CDH12: variants seen among roughly 807,000 people sequenced by gnomAD.
CDH12 encodes cadherin 12.
Under a neutral mutation model 74.1 loss-of-function variants are expected in CDH12, and 41 were observed. The ratio of observed to expected loss-of-function variants is 0.55; its 90% CI spans 0.43 to 0.72. CDH12 has a LOEUF of 0.72. CDH12 is among the 30% of genes least tolerant of loss of function. The probability of loss-of-function intolerance (pLI) is 0.00; values close to 1 mark genes in which losing one functional copy is unlikely to be tolerated. For synonymous variants in CDH12, 399 were observed against 355.0 expected, an observed-to-expected ratio of 1.12 and a Z score of -1.39; for missense variants, 945 against 977.2, an observed-to-expected ratio of 0.97 and a Z score of 0.44.
In CDH12 at chr5:22,371,955, C is replaced by G. The variant is rs142007449; in HGVS notation, c.-333+33302G>C. Among the ~76,000 whole-genome samples the G allele has an allele frequency of 9.4e-3, 1,435 of 152,162 alleles. 23 individuals are homozygous for G. Among genetic ancestry groups the G allele is most frequent in the African/African-American group, 0.033 (1,356 of 41,490 alleles). On this transcript the variant is annotated intron_variant, in intron 3 of 14. Transcript: ENST00000382254. The stretch of plus-strand genomic sequence containing the variant: ...AACCTTTGGGAGATTTTAAGTTAGG[C>G]CAAAACATGATGATATTTTTATTCT...
intron 3 of CDH12, among the ~76,000 whole-genome samples, chr5:22,353,127 T>C (rs1168012163): frequency 6.6e-6 from 1 of 152,222 alleles, no homozygotes; most frequent in Non-Finnish European, 1.5e-5. Flanking sequence ...ATCAGTCTTA[T>C]ATCATCATTT....
At chr5:22,528,652 T>C (rs960272774) in intron 1 of CDH12, among the ~76,000 whole-genome samples, 6 of 152,240 alleles carry the variant, frequency 3.9e-5, no homozygotes, top group Admixed American at 2.6e-4. Flanking sequence ...TTCCTTCTCA[T>C]GTCCAACAAC....
intron 1 of CDH12, among the ~76,000 whole-genome samples, chr5:22,585,896 T>G (rs540509789): frequency 2.0e-5 from 3 of 152,306 alleles, no homozygotes; most frequent in Non-Finnish European, 4.4e-5. Context: ...TTGGTGGGAC[T>G]GTTAACTAGT....
At chr5:22,638,954 G>A (rs1738984270) in intron 1 of CDH12, 1 of 150,568 alleles carries the variant, frequency 6.6e-6, no homozygotes, top group Non-Finnish European at 1.5e-5. Flanking sequence ...TGGAGGCTGA[G>A]GCAGGAGAAT....
chr5:21,819,639 T>A (rs894497102), intron 8 of CDH12, among the ~76,000 whole-genome samples: 2 of 152,002 alleles, frequency 1.3e-5, no homozygotes, highest in Admixed American at 6.6e-5. Flanking sequence ...TGTTGAATAG[T>A]GTACTAGAAA....
In CDH12 at chr5:22,453,286, G is replaced by A. The variant is rs1305642278; in HGVS notation, c.-427-47935C>T. On this transcript the variant is annotated intron_variant, in intron 2 of 14. Coordinates refer to ENST00000382254, the MANE Select transcript of CDH12 (RefSeq NM_004061.5). ...ATGTCAAAGAAATGTTTGTAGTCCT[G>A]TATTTATTGCAGCATTCTTCACAAT... 3.3e-5 allele frequency among the ~76,000 whole-genome samples: 5 copies of A among 152,032 alleles called. No individual in the cohort carries two copies. In the South Asian group the frequency reaches 1.0e-3, roughly 31 times the overall value.
Position 22,823,007 on chromosome 5 carries a change from G to C in CDH12, c.-523+30051C>G, listed in dbSNP as rs995154231. Among the ~76,000 whole-genome samples, 6 of 152,190 alleles carry C rather than the reference G, an allele frequency of 3.9e-5. No individual in the cohort carries two copies. The East Asian group carries it at 1.2e-3, about 29-fold the overall frequency. On this transcript the variant is annotated intron_variant, in intron 1 of 14. Transcript: ENST00000382254. Reference sequence around the variant, plus strand: ...CCAAATGTCCAACAAGGATAGACTGGATTAAGAAAATGTGGCACATATACA... The same window carrying C: ...CCAAATGTCCAACAAGGATAGACTGCATTAAGAAAATGTGGCACATATACA...
intron 6 of CDH12, among the ~76,000 whole-genome samples, chr5:21,923,671 TA>T (rs767431719): frequency 5.3e-5 from 8 of 152,186 alleles, no homozygotes; most frequent in Non-Finnish European, 1.0e-4. Flanking sequence ...TCCATGCCTA[TA>T]AATCTTCAAT....
intron 6 of CDH12, chr5:21,882,819 G>A (rs1752429541): frequency 6.4e-7 from 1 of 1,551,872 alleles, no homozygotes; most frequent in Admixed American, 1.7e-5. Context: ...AACAAAAGAT[G>A]GTGTGACTGT....
At chr5:21,978,324 A>G (rs1440935751) in intron 5 of CDH12, among the ~76,000 whole-genome samples, 3 of 151,990 alleles carry the variant, frequency 2.0e-5, no homozygotes, top group African/African-American at 7.2e-5. Context: ...TGTAGTTTTG[A>G]TAGAGACAGG....
intron 4 of CDH12, among the ~76,000 whole-genome samples, chr5:22,164,627 G>A (rs1748574125): frequency 6.6e-6 from 1 of 152,182 alleles, no homozygotes; most frequent in Non-Finnish European, 1.5e-5. Flanking sequence ...GACCCCAAGG[G>A]GGTTGCCTTT....
chr5:22,729,592 C>T (rs1241346010), intron 1 of CDH12, among the ~76,000 whole-genome samples: 1 of 151,826 alleles, frequency 6.6e-6, no homozygotes, highest in Non-Finnish European at 1.5e-5. Context: ...TTCACCAGTG[C>T]ATCTAGGAAG....
chr5:21,863,250 C>T (rs6452012), intron 6 of CDH12, among the ~76,000 whole-genome samples: 147,143 of 152,078 alleles, frequency 0.97, 71,342 homozygotes, highest in Non-Finnish European at 1. Context: ...CATGCCTCTG[C>T]GGTCTTGAAT....
intron 2 of CDH12, among the ~76,000 whole-genome samples, chr5:22,490,995 G>A (rs10941956): frequency 7.6e-4 from 116 of 152,116 alleles, no homozygotes; most frequent in Non-Finnish European, 1.2e-3. Flanking sequence ...TTGCTTATTT[G>A]TTTATAATTT....
intron 4 of CDH12, among the ~76,000 whole-genome samples, chr5:22,136,660 T>G (rs936870402): frequency 2.6e-5 from 4 of 151,062 alleles, no homozygotes; most frequent in African/African-American, 9.8e-5. Flanking sequence ...GATTCTGTTT[T>G]ATTCATATTA....
chr5:22,258,548 TA>T lies in CDH12; in HGVS notation c.-332-45906del, dbSNP rs1303228097. Among the ~76,000 whole-genome samples the T allele has an allele frequency of 8.2e-3, 1,164 of 141,910 alleles. 1 individual carries two copies. The highest frequency in any genetic ancestry group is 0.019 in the African/African-American group (737 of 39,062). The allele number at this position is 141,910 out of a possible 152,430, so 93.1% of individuals were successfully genotyped here. ...TCTGTTTTCATAAAATGTTAAAAGT[TA>T]AAAAAAAAAAAAGTCCTAGGCCTTC... On this transcript the variant is annotated intron_variant, in intron 3 of 14. Transcript: ENST00000382254.
At chr5:21,880,560 T>TTCCTTCCTTCCTTCCC (rs1561267984) in intron 6 of CDH12, among the ~76,000 whole-genome samples, 1 of 117,102 alleles carries the variant, frequency 8.5e-6, no homozygotes, top group Non-Finnish European at 1.8e-5. Context: ...CCTTCCTTCC[T>TTCCTTCCTTCCTTCCC]TCCCTTCTTT....
At chr5:22,055,868 T>C (rs947762151) in intron 5 of CDH12, among the ~76,000 whole-genome samples, 2 of 152,110 alleles carry the variant, frequency 1.3e-5, no homozygotes, top group Non-Finnish European at 2.9e-5. Context: ...ATCCTATCAG[T>C]GGAGGCAAAA....
chr5:22,334,962 T>C (rs924894779), intron 3 of CDH12, among the ~76,000 whole-genome samples: 3 of 151,990 alleles, frequency 2.0e-5, no homozygotes, highest in Non-Finnish European at 4.4e-5. Flanking sequence ...TAATACCCCA[T>C]AACACAGGCA....
Sources: allele counts gnomAD v4.1 joint callset (sites outside exome capture counted in the v4.1 genomes callset), GRCh38; gene constraint gnomAD v4.1.1; transcripts MANE v1.5; gene names NCBI Gene and HGNC (gene_info 2026-07-23, HGNC 2026-07-21).